The following STXBP6 variants were observed in gnomAD, a reference collection of about 807,000 sequenced individuals.
STXBP6 encodes syntaxin binding protein 6, also known as syntaxin-binding protein 6.
STXBP6 carries 21 observed loss-of-function variants against 26.9 expected under a neutral mutation model. The ratio of observed to expected loss-of-function variants is 0.78; its 90% CI spans 0.55 to 1.12. The LOEUF is 1.12. Ranked by LOEUF, STXBP6 falls within the 50% of genes most tolerant of loss-of-function variation. The probability of loss-of-function intolerance (pLI) is 0.00; values close to 1 mark genes in which losing one functional copy is unlikely to be tolerated. For synonymous variants in STXBP6, 97 were observed against 92.6 expected, an observed-to-expected ratio of 1.05 and a Z score of -0.27; for missense variants, 232 against 257.9, an observed-to-expected ratio of 0.90 and a Z score of 0.69.
At chr14:25,022,750 T>C (rs189234183) in intron 1 of STXBP6, among the ~76,000 whole-genome samples, 26 of 152,310 alleles carry the variant, frequency 1.7e-4, no homozygotes, top group African/African-American at 4.3e-4. Flanking sequence ...GGTGATCTCA[T>C]CCAAGACTGA....
intron 1 of STXBP6, among the ~76,000 whole-genome samples, chr14:25,026,518 C>T (rs1333795226): frequency 1.3e-5 from 2 of 152,130 alleles, no homozygotes; most frequent in African/African-American, 2.4e-5. Flanking sequence ...ACAAATGATC[C>T]CACTAAATTA....
At chr14:24,984,110 T>C (rs1040856970) in intron 1 of STXBP6, among the ~76,000 whole-genome samples, 4 of 152,162 alleles carry the variant, frequency 2.6e-5, no homozygotes, top group Non-Finnish European at 5.9e-5. Flanking sequence ...CATGCACCTG[T>C]AGTCCCAGCT....
At chr14:24,849,436 T>A (rs1047009877) in intron 4 of STXBP6, among the ~76,000 whole-genome samples, 1 of 152,130 alleles carries the variant, frequency 6.6e-6, no homozygotes, top group African/African-American at 2.4e-5. Flanking sequence ...TGAATGGATA[T>A]AAGGAAAAGA....
Position 24,888,134 on chromosome 14 carries a change from T to C in STXBP6, c.155-30977A>G, listed in dbSNP as rs138970437. ...AGACCATGGTCTGAACACATGCCTT[T>C]ACTTGTGGTTTCTCTTAAACCTCAC... is the stretch of plus-strand genomic sequence containing the variant. On this transcript the variant is annotated intron_variant, in intron 2 of 5. Transcript: ENST00000323944. Among the ~76,000 whole-genome samples, 42 of 152,364 alleles carry C rather than the reference T, an allele frequency of 2.8e-4. No homozygotes were observed. In the East Asian group the frequency reaches 7.7e-3, roughly 28 times the overall value.
intron 2 of STXBP6, among the ~76,000 whole-genome samples, chr14:24,937,073 AG>A (rs2072625527): frequency 6.6e-6 from 1 of 152,224 alleles, no homozygotes; most frequent in African/African-American, 2.4e-5. Flanking sequence ...CTCACTCATA[AG>A]TGGGAGTTGA....
chr14:25,011,455 GA>G (rs1378680602), intron 1 of STXBP6, among the ~76,000 whole-genome samples: 14 of 152,174 alleles, frequency 9.2e-5, no homozygotes, highest in Non-Finnish European at 1.5e-5. Context: ...CTTTTCTCAT[GA>G]TAGAAACTCT....
intron 1 of STXBP6, among the ~76,000 whole-genome samples, chr14:25,013,738 C>CAAAAAAAAAAAAAAAAAAAAAA (rs1246293987): frequency 2.3e-5 from 2 of 87,198 alleles, no homozygotes. Context: ...TCCCATTTGA[C>CAAAAAAAAAAAAAAAAAAAAAA]AAAAAAAAAA....
chr14:24,854,885 C>T lies in STXBP6; in HGVS notation c.451+1051G>A, dbSNP rs187059395. ...TTGAAAAAATATACACCATTCATCA[C>T]CTCTTGTATTTTCCTGGGATTAAAC... On this transcript the variant is annotated intron_variant, in intron 4 of 5. Coordinates refer to ENST00000323944, the MANE Select transcript of STXBP6 (RefSeq NM_001394410.1). Among the ~76,000 whole-genome samples the T allele has an allele frequency of 2.0e-5, 3 of 152,152 alleles. No individual in the cohort carries two copies. In the East Asian group the frequency reaches 5.8e-4, roughly 29 times the overall value.
At position 25,049,007 on chromosome 14, in the gene STXBP6, G is replaced by T; in HGVS notation, c.-33+871C>A. On this transcript the variant is annotated intron_variant, in intron 1 of 5. Coordinates refer to ENST00000323944, the MANE Select transcript of STXBP6 (RefSeq NM_001394410.1). This position sits in a 1 kb window ranked among gnomAD's most constrained non-coding sequence, Gnocchi z 5.6. ...GTCCCTAGGGAAGCGTAATAGGAAG[G>T]GGAGAAGGTTCGTTATGAAATCCTG... is the stretch of plus-strand genomic sequence containing the variant. 3.8e-6 allele frequency: 1 copy of T among 259,776 alleles called. No individual in the cohort carries two copies. Among genetic ancestry groups the T allele is most frequent in the Non-Finnish European group, 6.0e-6 (1 of 166,484 alleles). 16.1% of individuals were successfully genotyped at this position (259,776 alleles called of 1,614,324 possible). A position where few individuals can be genotyped will look rare whatever the true frequency, so the allele number is the denominator to read the frequency against.
At chr14:24,970,508 T>C (rs1008099848) in intron 2 of STXBP6, among the ~76,000 whole-genome samples, 1 of 152,220 alleles carries the variant, frequency 6.6e-6, no homozygotes, top group Non-Finnish European at 1.5e-5. Flanking sequence ...TGTTTTTTTT[T>C]CACACAACAT....
At chr14:24,897,409 CAAAAAAAAAAAAAAAAAAGGA>C (rs2071034179) in intron 2 of STXBP6, among the ~76,000 whole-genome samples, 1 of 37,634 alleles carries the variant, frequency 2.7e-5, no homozygotes, top group African/African-American at 8.2e-5. Context: ...GACTCTGTCT[CAAAAAAAAAAAAAAAAAAGGA>C]AAAAAAAAAA....
chr14:25,013,809 G>T (rs540126597), intron 1 of STXBP6, among the ~76,000 whole-genome samples: 3 of 150,798 alleles, frequency 2.0e-5, no homozygotes, highest in South Asian at 4.2e-4. Context: ...AGGGACTGAA[G>T]AGGCATGTCA....
chr14:24,994,166 G>A (rs1312320388), intron 1 of STXBP6, among the ~76,000 whole-genome samples: 3 of 152,184 alleles, frequency 2.0e-5, no homozygotes, highest in Non-Finnish European at 4.4e-5. Flanking sequence ...GGTACCAGGA[G>A]TAGTTCTGAA....
chr14:25,024,827 T>G lies in STXBP6; in HGVS notation c.-33+25051A>C, dbSNP rs117699898. Reference sequence around the variant, plus strand: ...AAAACTTACAGTTGACTATTAATTTTAAGTGTGATTCACAAGATGACTTTC... The same window carrying G: ...AAAACTTACAGTTGACTATTAATTTGAAGTGTGATTCACAAGATGACTTTC... On this transcript the variant is annotated intron_variant, in intron 1 of 5. Coordinates refer to ENST00000323944, the MANE Select transcript of STXBP6 (RefSeq NM_001394410.1). 2.5e-3 allele frequency among the ~76,000 whole-genome samples: 375 copies of G among 152,346 alleles called. 15 individuals are homozygous for G. In the East Asian group the frequency reaches 0.064, roughly 26 times the overall value.
intron 1 of STXBP6, among the ~76,000 whole-genome samples, chr14:25,040,339 T>G (rs1368533309): frequency 6.6e-6 from 1 of 152,188 alleles, no homozygotes; most frequent in Non-Finnish European, 1.5e-5. Context: ...CTGCTCTCAT[T>G]TCTCTGCAAC....
chr14:24,837,968 T>C (rs1044734105), intron 4 of STXBP6, among the ~76,000 whole-genome samples: 1 of 152,228 alleles, frequency 6.6e-6, no homozygotes, highest in Non-Finnish European at 1.5e-5. Flanking sequence ...TCTTTCCTTC[T>C]TATTAAATTC....
intron 2 of STXBP6, among the ~76,000 whole-genome samples, chr14:24,944,943 G>A (rs542520063): frequency 7.2e-5 from 11 of 152,092 alleles, no homozygotes; most frequent in African/African-American, 2.7e-4. Flanking sequence ...GATTCTACTC[G>A]CTAGGCTTGT....
At chr14:24,867,913 T>A (rs1566426985) in intron 2 of STXBP6, among the ~76,000 whole-genome samples, 1 of 152,330 alleles carries the variant, frequency 6.6e-6, no homozygotes, top group East Asian at 1.9e-4. Context: ...TAAACTTGTA[T>A]CTGCCGGGCA....
chr14:24,962,152 G>A (rs533763340), intron 2 of STXBP6, among the ~76,000 whole-genome samples: 6 of 152,204 alleles, frequency 3.9e-5, no homozygotes, highest in South Asian at 2.1e-4. Flanking sequence ...ACCTGCAAAC[G>A]TATATAGAGA....
Sources: gnomAD v4.1 joint callset for allele counts (sites outside exome capture counted in the v4.1 genomes callset) on GRCh38, gnomAD v4.1.1 for gene constraint, Gnocchi (gnomAD v3.1) non-coding constraint, MANE v1.5 for transcripts, NCBI Gene and HGNC (gene_info 2026-07-23, HGNC 2026-07-21) for gene names.